ANAPC1: variants seen among roughly 807,000 people sequenced by gnomAD.
The protein encoded by ANAPC1 is anaphase promoting complex subunit 1.
In ANAPC1, 36 loss-of-function variants were observed where a neutral mutation model predicts 208.0. The ratio of observed to expected loss-of-function variants is 0.17; its 90% CI spans 0.13 to 0.23. The LOEUF is 0.23. Ranked by LOEUF, ANAPC1 falls within the 10% of genes least tolerant of loss-of-function variation. The pLI is 1.00. For missense variants in ANAPC1, 942 were observed against 2,011.6 expected (o/e 0.47, Z 10.17); for synonymous variants, 378 against 695.2 (o/e 0.54, Z 7.18).
chr2:111,847,348 A>T, intron 15 of ANAPC1, 150 bp from the exon 16 acceptor site: 1 of 646,976 alleles, frequency 1.5e-6, no homozygotes, highest in Non-Finnish European at 2.5e-6. Flanking sequence ...TCCGAATTTC[A>T]GAAACTTTAA....
intron 45 of ANAPC1, among the ~76,000 whole-genome samples, chr2:111,778,086 A>G (rs1212196355): frequency 3.9e-5 from 6 of 152,250 alleles, no homozygotes; most frequent in Non-Finnish European, 8.8e-5. Flanking sequence ...AATACTGAAA[A>G]GGTGTATGTA....
intron 35 of ANAPC1, among the ~76,000 whole-genome samples, chr2:111,794,600 T>C (rs1400844606): frequency 6.6e-6 from 1 of 152,168 alleles, no homozygotes; most frequent in Non-Finnish European, 1.5e-5. Flanking sequence ...AAAAGACAAA[T>C]ACATACAAGT....
chr2:111,879,136 C>G (rs1348419490), intron 2 of ANAPC1, among the ~76,000 whole-genome samples, 165 bp from the exon 3 acceptor site: 1 of 152,188 alleles, frequency 6.6e-6, no homozygotes, highest in Non-Finnish European at 1.5e-5. Flanking sequence ...CATTACACTA[C>G]AGAATTACAT....
At chr2:111,868,139 G>A in intron 6 of ANAPC1, 43 bp from the exon 7 acceptor site, 2 of 1,397,516 alleles carry the variant, frequency 1.4e-6, no homozygotes, top group Non-Finnish European at 2.0e-6. Context: ...ATACGAGTAT[G>A]TCTGTGCACA....
intron 7 of ANAPC1, among the ~76,000 whole-genome samples, chr2:111,867,293 AAAAGAAAG>A (rs1380935356): frequency 1.3e-5 from 2 of 152,152 alleles, no homozygotes; most frequent in African/African-American, 2.4e-5. Context: ...TCTGTCTTAA[AAAAGAAAG>A]AAAAAAAAAA....
rs1323870389 is a variant in ANAPC1, at chr2:111,767,714, G to C, written c.*1577C>G. Reference sequence around the variant, plus strand: ...CGGAGAGTGAAGACAGTAACAACTGGTTTGATATTGAATTTTTAAAATCTT... The same window carrying C: ...CGGAGAGTGAAGACAGTAACAACTGCTTTGATATTGAATTTTTAAAATCTT... On this transcript the variant is annotated 3_prime_UTR_variant, in exon 48 of 48. Coordinates refer to ENST00000341068, the MANE Select transcript of ANAPC1 (RefSeq NM_022662.4). The C allele has an allele frequency of 7.4e-6, 1 of 135,312 alleles. No homozygotes were observed. Among genetic ancestry groups the C allele is most frequent in the Non-Finnish European group, 1.6e-5 (1 of 63,108 alleles). 8.4% of individuals were successfully genotyped at this position (135,312 alleles called of 1,614,324 possible). A position where few individuals can be genotyped will look rare whatever the true frequency, so the allele number is the denominator to read the frequency against.
At position 111,868,790 on chromosome 2, in the gene ANAPC1, C is replaced by A. The variant is rs547938855; in HGVS notation, c.612-694G>T. On this transcript the variant is annotated intron_variant, in intron 6 of 47. Transcript: ENST00000341068. ...TCAGGTGATCCACCTGCCTCGGCCT[C>A]CCAGAGTGCTGGGATTACAGGCGTG... Among the ~76,000 whole-genome samples, 5 of 152,336 alleles carry A rather than the reference C, an allele frequency of 3.3e-5. No individual in the cohort carries two copies. In the South Asian group the frequency reaches 1.0e-3, roughly 32 times the overall value.
intron 10 of ANAPC1, among the ~76,000 whole-genome samples, chr2:111,858,754 T>TC (rs1165700603): frequency 7.9e-6 from 1 of 125,846 alleles, no homozygotes; most frequent in African/African-American, 3.2e-5. Flanking sequence ...AGAGCCAGAC[T>TC]CCGTCTCAAA....
intron 28 of ANAPC1, among the ~76,000 whole-genome samples, chr2:111,809,550 AGT>A (rs1263392601): frequency 9.4e-5 from 13 of 138,220 alleles, no homozygotes; most frequent in Non-Finnish European, 1.7e-4. Flanking sequence ...AGCCAGGAAC[AGT>A]GGCAGGAAAG....
At chr2:111,836,119 T>TAGG (rs1680453206) in intron 18 of ANAPC1, among the ~76,000 whole-genome samples, 1 of 151,358 alleles carries the variant, frequency 6.6e-6, no homozygotes, top group South Asian at 2.1e-4. Flanking sequence ...TCCAAGTAGC[T>TAGG]AGGACTACAG....
chr2:111,839,936 C>T (rs1680671364), intron 17 of ANAPC1, among the ~76,000 whole-genome samples: 1 of 152,074 alleles, frequency 6.6e-6, no homozygotes, highest in Non-Finnish European at 1.5e-5. Flanking sequence ...CCTATGGACC[C>T]TTACCCTTCA....
chr2:111,855,833 G>A (rs1205799884), intron 13 of ANAPC1, among the ~76,000 whole-genome samples: 1 of 151,962 alleles, frequency 6.6e-6, no homozygotes, highest in Non-Finnish European at 1.5e-5. Flanking sequence ...AGAGTACTGG[G>A]TAGATGAATA....
intron 29 of ANAPC1, among the ~76,000 whole-genome samples, chr2:111,807,216 TA>T (rs1252336804): frequency 1.9e-5 from 2 of 103,738 alleles, no homozygotes; most frequent in African/African-American, 3.6e-5. Context: ...AAATAAATAA[TA>T]AAAATTAAAG....
At position 111,816,225 on chromosome 2, in the gene ANAPC1, T is replaced by C. The variant is rs888257609; in HGVS notation, c.3326-584A>G. On this transcript the variant is annotated intron_variant, in intron 27 of 47. Transcript: ENST00000341068. ...GTTGCAGTGAGCCAAGATCATGCCA[T>C]TGCACTCCCACCTGGGCAGCAGACA... Among the ~76,000 whole-genome samples the C allele has an allele frequency of 6.7e-5, 10 of 149,288 alleles. No individual in the cohort carries two copies. In the South Asian group the frequency reaches 1.1e-3, roughly 16 times the overall value.
chr2:111,779,834 C>T (rs1251133750), intron 44 of ANAPC1: 26 of 230,106 alleles, frequency 1.1e-4, no homozygotes, highest in African/African-American at 4.3e-4. Flanking sequence ...CAGAAAAAAC[C>T]GACCCTGTCT....
chr2:111,791,021 C>T (rs1677845143), intron 38 of ANAPC1, among the ~76,000 whole-genome samples: 1 of 152,156 alleles, frequency 6.6e-6, no homozygotes, highest in South Asian at 2.1e-4. Flanking sequence ...ATTAACACTA[C>T]TTAATTGCAT....
At chr2:111,844,296 T>C (rs1427250190) in intron 16 of ANAPC1, among the ~76,000 whole-genome samples, 5 of 151,952 alleles carry the variant, frequency 3.3e-5, no homozygotes, top group Non-Finnish European at 7.4e-5. Context: ...GGGCCAGGCA[T>C]GGTGACTCAC....
chr2:111,832,213 G>C (rs1485552153), intron 20 of ANAPC1, among the ~76,000 whole-genome samples: 68 of 149,740 alleles, frequency 4.5e-4, no homozygotes, highest in African/African-American at 1.6e-3. Flanking sequence ...TGAGGCAGGA[G>C]AATCGCTTGA....
At position 111,884,015 on chromosome 2, in the gene ANAPC1, G is replaced by T; in HGVS notation, c.-98C>A. 6.6e-6 allele frequency: 1 copy of T among 152,554 alleles called. No individual in the cohort carries two copies. The highest frequency in any genetic ancestry group is 1.5e-5 in the Non-Finnish European group (1 of 68,206). 9.5% of individuals were successfully genotyped at this position (152,554 alleles called of 1,614,324 possible). Reference sequence around the variant, plus strand: ...GGAGGCGCAGGGGCCGAGGAGGCCCGAGGGCAGCGGCGGGGTCCTTCACAG... The same window carrying T: ...GGAGGCGCAGGGGCCGAGGAGGCCCTAGGGCAGCGGCGGGGTCCTTCACAG... On this transcript the variant is annotated 5_prime_UTR_variant, in exon 1 of 48. Transcript: ENST00000341068.
Sources: allele counts gnomAD v4.1 joint callset (sites outside exome capture counted in the v4.1 genomes callset), GRCh38; gene constraint gnomAD v4.1.1; transcripts MANE v1.5; gene names NCBI Gene and HGNC (gene_info 2026-07-23, HGNC 2026-07-21).